RIGI: variants seen among roughly 807,000 people sequenced by gnomAD.
RIGI encodes the protein RNA sensor RIG-I, also known as antiviral innate immune response receptor RIG-I.
chr9:32,457,679 G>T, the RIGI span, among the ~76,000 whole-genome samples: 1 of 152,106 alleles, frequency 6.6e-6, no homozygotes, highest in Non-Finnish European at 1.5e-5. Flanking sequence ...GATTAAGAAG[G>T]TTCCAGGTAA....
At chr9:32,492,510 C>G in the RIGI span, 1 of 1,614,168 alleles carries the variant, frequency 6.2e-7, no homozygotes, top group Non-Finnish European at 8.5e-7. Flanking sequence ...TTTCTCTGCA[C>G]CTGCCATCAT....
chr9:32,524,596 G>GTTTTTTTTTTTTTTTTTTTTTTTTTTT, the RIGI span, among the ~76,000 whole-genome samples: 6 of 67,580 alleles, frequency 8.9e-5, 1 homozygote, highest in African/African-American at 3.0e-4. Flanking sequence ...TTGTTTTTCG[G>GTTTTTTTTTTTTTTTTTTTTTTTTTTT]TTTTTTTTTT....
the RIGI span, chr9:32,493,778 A>G: frequency 6.3e-7 from 1 of 1,580,790 alleles, no homozygotes; most frequent in Non-Finnish European, 8.6e-7. Context: ...ATTTCTTCAC[A>G]TTCCTGATTA....
the RIGI span, chr9:32,491,181 TTTC>T: frequency 1.8e-6 from 2 of 1,138,406 alleles, no homozygotes; most frequent in Non-Finnish European, 2.5e-6. Context: ...TTCTCTTTAC[TTTC>T]TTAATTTTCC....
At chr9:32,517,264 G>A in the RIGI span, among the ~76,000 whole-genome samples, 3,004 of 152,260 alleles carry the variant, frequency 0.02, 109 homozygotes, top group African/African-American at 0.068. Flanking sequence ...TTGGATTACC[G>A]ATTGGAGCAA....
the RIGI span, among the ~76,000 whole-genome samples, chr9:32,490,024 AC>A: frequency 1.3e-5 from 2 of 152,334 alleles, no homozygotes; most frequent in East Asian, 3.9e-4. Flanking sequence ...AGTCTAACCT[AC>A]CCATTTTAGA....
the RIGI span, among the ~76,000 whole-genome samples, chr9:32,466,974 G>A: frequency 6.6e-6 from 1 of 152,126 alleles, no homozygotes; most frequent in African/African-American, 2.4e-5. Context: ...CAAAACATAG[G>A]TGGAAAATTT....
At chr9:32,492,173 G>A in the RIGI span, among the ~76,000 whole-genome samples, 3 of 152,148 alleles carry the variant, frequency 2.0e-5, no homozygotes, top group African/African-American at 7.2e-5. Context: ...TTCTGGATGA[G>A]AGTGGTTTTC....
chr9:32,480,449 G>C, the RIGI span: 1 of 1,270,592 alleles, frequency 7.9e-7, no homozygotes. Context: ...ATTGTTTTAA[G>C]AAAACTTTTC....
At chr9:32,457,445 A>C in the RIGI span, 1 of 1,589,618 alleles carries the variant, frequency 6.3e-7, no homozygotes, top group Admixed American at 1.7e-5. Context: ...GGAATAACAC[A>C]CAAAAGAGAA....
chr9:32,477,160 C>T, the RIGI span: 4 of 1,607,560 alleles, frequency 2.5e-6, no homozygotes, highest in South Asian at 1.1e-5. Context: ...TTATAAATGG[C>T]TTATAAATTC....
chr9:32,503,584 C>T, the RIGI span, among the ~76,000 whole-genome samples: 2 of 152,170 alleles, frequency 1.3e-5, no homozygotes, highest in African/African-American at 4.8e-5. Flanking sequence ...GTGGGCCTGT[C>T]TTCCACCTGA....
At chr9:32,500,688 G>A in the RIGI span, 2 of 1,270,480 alleles carry the variant, frequency 1.6e-6, no homozygotes, top group Admixed American at 2.3e-5. Context: ...CATTGTCTCA[G>A]ACTAAGAGGC....
the RIGI span, among the ~76,000 whole-genome samples, chr9:32,496,987 G>C: frequency 6.6e-6 from 1 of 152,076 alleles, no homozygotes; most frequent in Admixed American, 6.5e-5. Context: ...GGAGAGGTGA[G>C]GCCTCCTGGT....
At chr9:32,489,416 G>C in the RIGI span, 1 of 1,613,208 alleles carries the variant, frequency 6.2e-7, no homozygotes, top group Non-Finnish European at 8.5e-7. Context: ...TAATTTCTTG[G>C]TTTAAATGGG....
chr9:32,493,518 A>G, the RIGI span, among the ~76,000 whole-genome samples: 4 of 92,964 alleles, frequency 4.3e-5, no homozygotes, highest in Non-Finnish European at 7.3e-5. Context: ...CAGCTACTCG[A>G]GAGGCGAGGC....
the RIGI span, among the ~76,000 whole-genome samples, chr9:32,520,978 T>C: frequency 1.8e-3 from 275 of 151,698 alleles, no homozygotes; most frequent in Middle Eastern, 6.8e-3. Flanking sequence ...AAACCCCGTC[T>C]CTACTAAAAA....
At chr9:32,495,203 A>C in the RIGI span, among the ~76,000 whole-genome samples, 1 of 151,848 alleles carries the variant, frequency 6.6e-6, no homozygotes, top group Non-Finnish European at 1.5e-5. Context: ...TTCTGTTTTT[A>C]TTTTATTTTA....
chr9:32,509,048 T>G, the RIGI span, among the ~76,000 whole-genome samples: 1 of 152,138 alleles, frequency 6.6e-6, no homozygotes, highest in Admixed American at 6.5e-5. Flanking sequence ...ACTGCCTCTC[T>G]AGATTCCTCA....
Sources: allele counts gnomAD v4.1 joint callset (sites outside exome capture counted in the v4.1 genomes callset), GRCh38; gene constraint gnomAD v4.1.1; transcripts MANE v1.5; gene names NCBI Gene and HGNC (gene_info 2026-07-23, HGNC 2026-07-21).